PTPRO: variants seen among roughly 807,000 people sequenced by gnomAD.
PTPRO encodes receptor-type tyrosine-protein phosphatase O.
Under a neutral mutation model 145.2 loss-of-function variants are expected in PTPRO, and 62 were observed. The observed-to-expected ratio is 0.43, with a 90% CI of 0.35 to 0.53. The LOEUF (loss-of-function observed/expected upper bound fraction) is 0.53. Ranked by LOEUF, PTPRO falls within the 20% of genes least tolerant of loss-of-function variation. The pLI, the probability that PTPRO is intolerant of heterozygous loss-of-function variation, is 0.01. For missense variants in PTPRO, 1,345 were observed against 1,482.7 expected (o/e 0.91, Z 1.53); for synonymous variants, 565 against 514.7 (o/e 1.10, Z -1.32).
chr12:15,595,149 G>T (rs1944633836), intron 26 of PTPRO, 92 bp downstream of exon 26: 1 of 823,216 alleles, frequency 1.2e-6, no homozygotes, highest in East Asian at 2.7e-5. Flanking sequence ...GTAGCCATTT[G>T]TATTGACTCT....
intron 17 of PTPRO, among the ~76,000 whole-genome samples, chr12:15,565,179 AAAC>A (rs1365115114): frequency 3.3e-5 from 5 of 152,214 alleles, no homozygotes; most frequent in Non-Finnish European, 7.3e-5. Flanking sequence ...TTAATTAAGA[AAAC>A]AACATTCCAC....
chr12:15,414,843 C>T (rs1390887682), intron 1 of PTPRO, among the ~76,000 whole-genome samples: 6 of 152,120 alleles, frequency 3.9e-5, no homozygotes, highest in African/African-American at 1.2e-4. Flanking sequence ...GGAATTTAAT[C>T]ACCTAATAGA....
At chr12:15,516,544 G>C (rs1288529837) in intron 8 of PTPRO, among the ~76,000 whole-genome samples, 2 of 125,984 alleles carry the variant, frequency 1.6e-5, no homozygotes, top group Non-Finnish European at 3.5e-5. Context: ...ATGAAAGGAG[G>C]GAGGGAGGGA....
chr12:15,519,179 G>C (rs1942661232), intron 9 of PTPRO, among the ~76,000 whole-genome samples: 1 of 152,194 alleles, frequency 6.6e-6, no homozygotes, highest in Non-Finnish European at 1.5e-5. Context: ...ATGGCACCAA[G>C]CAAGAGAGCT....
In PTPRO at chr12:15,425,191, G is replaced by T. The variant is rs193167429; in HGVS notation, c.76-58783G>T. ...GGTACTTTGCTAGTTTTGTTATTTTGTCTATGATTTTACCCCATACACAAG... is the reference window on the plus strand; with the variant it reads ...GGTACTTTGCTAGTTTTGTTATTTTTTCTATGATTTTACCCCATACACAAG... On this transcript the variant is annotated intron_variant, in intron 1 of 26. Transcript: ENST00000281171. 4.8e-3 allele frequency among the ~76,000 whole-genome samples: 725 copies of T among 152,076 alleles called. 7 individuals are homozygous for T. The highest frequency in any genetic ancestry group is 0.017 in the African/African-American group (704 of 41,484).
intron 13 of PTPRO, among the ~76,000 whole-genome samples, chr12:15,546,947 A>G (rs1385214083): frequency 3.9e-5 from 6 of 152,200 alleles, no homozygotes; most frequent in Admixed American, 3.9e-4. Flanking sequence ...AGGTCAGACA[A>G]AGGAATAAAG....
At position 15,322,572 on chromosome 12, in the gene PTPRO, G is replaced by C; in HGVS notation, c.-155G>C. On this transcript the variant is annotated 5_prime_UTR_variant, in exon 1 of 27. Coordinates refer to ENST00000281171, the MANE Select transcript of PTPRO (RefSeq NM_030667.3). This position sits in a 1 kb window ranked among gnomAD's most constrained non-coding sequence, Gnocchi z 6.3. ...GACCCCGGGCGCAGAGGAGGAAAGG[G>C]AGCAGGCGCAGGGGGACTGGAAAGG... 7.1e-6 allele frequency: 5 copies of C among 702,942 alleles called. No homozygotes were observed. Among genetic ancestry groups the C allele is most frequent in the Non-Finnish European group, 1.3e-5 (5 of 386,882 alleles). The allele number at this position is 702,942 out of a possible 1,614,324, so 43.5% of individuals were successfully genotyped here.
intron 1 of PTPRO, among the ~76,000 whole-genome samples, chr12:15,384,382 G>A (rs1350363417): frequency 6.6e-6 from 1 of 152,148 alleles, no homozygotes; most frequent in African/African-American, 2.4e-5. Context: ...CATAGACTGG[G>A]TGGCTTAAAC....
chr12:15,326,459 G>A lies in PTPRO; in HGVS notation c.75+3658G>A, dbSNP rs191249940. Among the ~76,000 whole-genome samples, 549 of 152,254 alleles carry A rather than the reference G, an allele frequency of 3.6e-3. 2 individuals carry two copies. The highest frequency in any genetic ancestry group is 6.2e-3 in the Non-Finnish European group (422 of 68,006). ...GTTCTTTGTTTTGTGAGAGACTATC[G>A]TTGTGTGAAGGAATGAAAAATTCAC... On this transcript the variant is annotated intron_variant, in intron 1 of 26. Transcript: ENST00000281171.
intron 1 of PTPRO, among the ~76,000 whole-genome samples, chr12:15,342,434 G>T (rs1427190408): frequency 6.7e-6 from 1 of 150,286 alleles, no homozygotes; most frequent in Non-Finnish European, 1.5e-5. Context: ...TTCTTTCTAT[G>T]AACATTTATA....
intron 1 of PTPRO, among the ~76,000 whole-genome samples, chr12:15,326,513 A>G (rs1227126569): frequency 2.0e-5 from 3 of 152,220 alleles, no homozygotes; most frequent in Non-Finnish European, 4.4e-5. Flanking sequence ...TTTGGCCCAA[A>G]AGAAAATGCA....
intron 1 of PTPRO, among the ~76,000 whole-genome samples, chr12:15,472,419 T>C (rs1941562993): frequency 6.6e-6 from 1 of 152,186 alleles, no homozygotes. Flanking sequence ...ATATCCAAAC[T>C]CCTTAGCAAG....
At chr12:15,390,758 GTA>G (rs1939167368) in intron 1 of PTPRO, among the ~76,000 whole-genome samples, 2 of 100,980 alleles carry the variant, frequency 2.0e-5, no homozygotes. Flanking sequence ...CAGTGGCTGG[GTA>G]AGAGATGGTC....
At chr12:15,549,274 T>C in intron 14 of PTPRO, 48 bp downstream of exon 14, 1 of 1,375,724 alleles carries the variant, frequency 7.3e-7, no homozygotes. Flanking sequence ...TTTGAATATA[T>C]ATATATATAT....
intron 1 of PTPRO, among the ~76,000 whole-genome samples, chr12:15,363,397 G>C (rs1938268158): frequency 6.6e-6 from 1 of 152,040 alleles, no homozygotes; most frequent in Admixed American, 6.6e-5. Context: ...CCTTCAACTT[G>C]CTTAGATTTA....
intron 1 of PTPRO, among the ~76,000 whole-genome samples, chr12:15,391,038 C>T (rs576476923): frequency 6.6e-6 from 1 of 152,228 alleles, no homozygotes; most frequent in East Asian, 1.9e-4. Context: ...GACACTAATT[C>T]CATCAACGAA....
At chr12:15,503,841 C>T (rs1565669217) in intron 5 of PTPRO, 67 bp from the exon 6 acceptor site, 28 of 1,342,664 alleles carry the variant, frequency 2.1e-5, no homozygotes, top group Non-Finnish European at 2.9e-5. Context: ...CATTAATCGA[C>T]TTGTCTATAC....
rs73057285 is a variant in PTPRO, at chr12:15,408,766, T to C, written c.76-75208T>C. Among the ~76,000 whole-genome samples, 118 of 152,320 alleles carry C rather than the reference T, an allele frequency of 7.7e-4. 1 individual carries two copies. Among genetic ancestry groups the C allele is most frequent in the Non-Finnish European group, 1.4e-3 (98 of 68,020 alleles). The stretch of plus-strand genomic sequence containing the variant: ...TCTGTGTCAATGTTTTCACAAACAT[T>C]ATCTCTGAGGTGTGGAAATATGTCT... On this transcript the variant is annotated intron_variant, in intron 1 of 26. Coordinates refer to ENST00000281171, the MANE Select transcript of PTPRO (RefSeq NM_030667.3).
chr12:15,543,304 A>C (rs890611510), intron 12 of PTPRO, among the ~76,000 whole-genome samples: 1 of 152,224 alleles, frequency 6.6e-6, no homozygotes, highest in African/African-American at 2.4e-5. Context: ...TAGATGTCCC[A>C]GACCTTTAGG....
Sources: allele counts gnomAD v4.1 joint callset (sites outside exome capture counted in the v4.1 genomes callset), GRCh38; gene constraint gnomAD v4.1.1; non-coding constraint Gnocchi (gnomAD v3.1); transcripts MANE v1.5; gene names NCBI Gene and HGNC (gene_info 2026-07-23, HGNC 2026-07-21).